EXT2: variants seen among roughly 807,000 people sequenced by gnomAD.
EXT2 encodes the protein exostosin glycosyltransferase 2.
In EXT2, 53 loss-of-function variants were observed where a neutral mutation model predicts 81.6. The ratio of observed to expected loss-of-function variants is 0.65; its 90% CI spans 0.52 to 0.82. The LOEUF (loss-of-function observed/expected upper bound fraction) is 0.82, where lower values mean the gene tolerates loss of function less well. Among genes scored for constraint, EXT2 ranks in the 40% least tolerant of loss-of-function variants. The pLI, the probability that EXT2 is intolerant of heterozygous loss-of-function variation, is 0.00. For missense variants in EXT2, 774 were observed against 910.2 expected, an observed-to-expected ratio of 0.85 and a Z score of 1.93; for synonymous variants, 320 against 340.0, an observed-to-expected ratio of 0.94 and a Z score of 0.65.
intron 2 of EXT2, among the ~76,000 whole-genome samples, chr11:44,108,855 T>C (rs1040006632): frequency 6.6e-6 from 1 of 152,234 alleles, no homozygotes; most frequent in Admixed American, 6.5e-5. Flanking sequence ...TGCATAGTAT[T>C]CCATTTTGCA....
rs1956090543 is a variant in EXT2 at position 44,246,027 on chromosome 11, G to A, written c.*1740G>A. Reference sequence around the variant, plus strand: ...ACTTTTGATTTGGGTAATGTGTACTGGTCAGTAGGAGACATGGGAAAGCAT... The same window carrying A: ...ACTTTTGATTTGGGTAATGTGTACTAGTCAGTAGGAGACATGGGAAAGCAT... On this transcript the variant is annotated 3_prime_UTR_variant, in exon 14 of 14. Coordinates refer to ENST00000533608, the MANE Select transcript of EXT2 (RefSeq NM_207122.2). Among the ~76,000 whole-genome samples, 1 of 152,200 alleles carries A rather than the reference G, an allele frequency of 6.6e-6. No individual in the cohort carries two copies. The highest frequency in any genetic ancestry group is 2.1e-4 in the South Asian group (1 of 4,826).
chr11:44,158,544 ATTAAT>A (rs1590605467), intron 7 of EXT2, among the ~76,000 whole-genome samples: 1 of 150,538 alleles, frequency 6.6e-6, no homozygotes, highest in South Asian at 2.1e-4. Context: ...TTTTTAATAA[ATTAAT>A]TTAATTTTAA....
At chr11:44,118,798 T>C (rs543619734) in intron 4 of EXT2, among the ~76,000 whole-genome samples, 12 of 152,202 alleles carry the variant, frequency 7.9e-5, no homozygotes, top group South Asian at 2.1e-4. Flanking sequence ...TACAAGTTTC[T>C]GTTATGTGCC....
intron 1 of EXT2, among the ~76,000 whole-genome samples, chr11:44,098,483 AG>A (rs963901844): frequency 1.6e-4 from 25 of 152,080 alleles, no homozygotes; most frequent in African/African-American, 5.8e-4. Context: ...ACCTGAGGTC[AG>A]GAGTTCAAGA....
intron 3 of EXT2, among the ~76,000 whole-genome samples, chr11:44,112,023 C>T (rs1025656264): frequency 1.2e-4 from 19 of 152,112 alleles, no homozygotes; most frequent in Admixed American, 5.2e-4. Flanking sequence ...TAAGGATGAC[C>T]GATAGAATCG....
chr11:44,206,003 A>G (rs1009616787), intron 9 of EXT2, among the ~76,000 whole-genome samples: 2 of 152,174 alleles, frequency 1.3e-5, no homozygotes, highest in African/African-American at 4.8e-5. Flanking sequence ...GTAGAATGGG[A>G]AAAAAATGTA....
rs1016979174 is a variant in EXT2, at chr11:44,171,524, C to A, written c.1174-87C>A. The A allele has an allele frequency of 2.5e-6, 4 of 1,599,908 alleles. No individual in the cohort carries two copies. The African/African-American group carries it at 5.4e-5, about 21-fold the overall frequency. ...ACAACTTTGGGAATAAAGGAATTAGCCTAACCTGGAGTTGACTATGATAGA... is the reference window on the plus strand; with the variant it reads ...ACAACTTTGGGAATAAAGGAATTAGACTAACCTGGAGTTGACTATGATAGA... On this transcript the variant is annotated intron_variant, in intron 7 of 13. Coordinates refer to ENST00000533608, the MANE Select transcript of EXT2 (RefSeq NM_207122.2).
intron 10 of EXT2, among the ~76,000 whole-genome samples, chr11:44,217,572 ATT>A (rs1955734600): frequency 6.6e-6 from 1 of 152,026 alleles, no homozygotes; most frequent in South Asian, 2.1e-4. Context: ...GGGATAATTT[ATT>A]TATCTGTTTA....
chr11:44,189,649 A>C (rs1482152870), intron 8 of EXT2, among the ~76,000 whole-genome samples: 2 of 152,080 alleles, frequency 1.3e-5, no homozygotes, highest in Non-Finnish European at 2.9e-5. Flanking sequence ...CAAGGGGGAA[A>C]CCCACCCCCA....
chr11:44,099,428 G>A (rs1486480037), intron 1 of EXT2, among the ~76,000 whole-genome samples: 1 of 151,914 alleles, frequency 6.6e-6, no homozygotes, highest in Non-Finnish European at 1.5e-5. Flanking sequence ...CTTGTGATTC[G>A]CCCGCCTCCA....
intron 11 of EXT2, among the ~76,000 whole-genome samples, chr11:44,233,014 G>A (rs1955917164): frequency 6.6e-6 from 1 of 152,076 alleles, no homozygotes; most frequent in Admixed American, 6.5e-5. Flanking sequence ...TCTAATGTTA[G>A]TGATAGATGT....
In EXT2 at chr11:44,206,966, A is replaced by C. The variant is rs1055184740; in HGVS notation, c.1662+7A>C. 6.2e-7 allele frequency: 1 copy of C among 1,613,696 alleles called. No homozygotes were observed. The highest frequency in any genetic ancestry group is 1.3e-5 in the African/African-American group (1 of 74,908). On this transcript the variant is annotated splice_region_variant and intron_variant, in intron 10 of 13. Coordinates refer to ENST00000533608, the MANE Select transcript of EXT2 (RefSeq NM_207122.2). ...GCTGCAATTTGGTTATGAGGTAAGG[A>C]GGTTTTACACAGTGTGTTTATATGT...
Position 44,187,913 on chromosome 11 carries a change from A to G in EXT2, c.1306-9916A>G, listed in dbSNP as rs571995622. ...AGATTCTGTGCCCATCATTCCATCT[A>G]TTATACTGCTTTCTTTTCATATAAT... is the stretch of plus-strand genomic sequence containing the variant. On this transcript the variant is annotated intron_variant, in intron 8 of 13. Transcript: ENST00000533608. Among the ~76,000 whole-genome samples the G allele has an allele frequency of 2.0e-5, 3 of 152,280 alleles. No homozygotes were observed. The East Asian group carries it at 5.8e-4, about 29-fold the overall frequency.
chr11:44,128,155 C>T (rs1216461842), intron 6 of EXT2, among the ~76,000 whole-genome samples: 1 of 152,214 alleles, frequency 6.6e-6, no homozygotes, highest in Non-Finnish European at 1.5e-5. Flanking sequence ...TTCATTTATT[C>T]ATTCATCTCA....
intron 7 of EXT2, among the ~76,000 whole-genome samples, chr11:44,154,243 C>G (rs918140089): frequency 5.3e-5 from 8 of 152,014 alleles, no homozygotes; most frequent in Admixed American, 5.2e-4. Context: ...CTTATTTATT[C>G]TATCTAACTA....
intron 10 of EXT2, among the ~76,000 whole-genome samples, chr11:44,210,658 G>T (rs1273751204): frequency 6.6e-6 from 1 of 152,130 alleles, no homozygotes; most frequent in Non-Finnish European, 1.5e-5. Context: ...ATTATTTATT[G>T]TATATCAACT....
rs1235330787 is a variant in EXT2, at chr11:44,246,498, T to C, written c.*2211T>C. ...GACTTTATCATCGTCATAGGAGTCA[T>C]TGGACTTTAAAGGCATTACAACTCC... On this transcript the variant is annotated 3_prime_UTR_variant, in exon 14 of 14. Transcript: ENST00000533608. 6.6e-6 allele frequency among the ~76,000 whole-genome samples: 1 copy of C among 152,212 alleles called. No homozygotes were observed. The highest frequency in any genetic ancestry group is 1.5e-5 in the Non-Finnish European group (1 of 68,032).
At chr11:44,209,710 A>G (rs115836947) in intron 10 of EXT2, among the ~76,000 whole-genome samples, 1 of 152,250 alleles carries the variant, frequency 6.6e-6, no homozygotes, top group African/African-American at 2.4e-5. Flanking sequence ...GTTAATCTCT[A>G]CTCATCCTTC....
intron 10 of EXT2, among the ~76,000 whole-genome samples, chr11:44,230,591 AG>A (rs1446163217): frequency 6.6e-6 from 1 of 152,150 alleles, no homozygotes; most frequent in South Asian, 2.1e-4. Context: ...AGACTTGCAC[AG>A]GGGGGAAGAT....
Sources: allele counts gnomAD v4.1 joint callset (sites outside exome capture counted in the v4.1 genomes callset), GRCh38; gene constraint gnomAD v4.1.1; transcripts MANE v1.5; gene names NCBI Gene and HGNC (gene_info 2026-07-23, HGNC 2026-07-21).